Variants in PAIP2B observed in about 807,000 individuals in gnomAD.
The protein encoded by PAIP2B is polyadenylate-binding protein-interacting protein 2B.
PAIP2B carries 13 observed loss-of-function variants against 17.0 expected under a neutral mutation model. The ratio of observed to expected loss-of-function variants is 0.76; its 90% CI spans 0.50 to 1.22. The LOEUF (loss-of-function observed/expected upper bound fraction) is 1.22, where lower values mean the gene tolerates loss of function less well. PAIP2B is among the 50% of genes most tolerant of loss of function. The probability of loss-of-function intolerance (pLI) is 0.00; values close to 1 mark genes in which losing one functional copy is unlikely to be tolerated. For missense variants in PAIP2B, 117 were observed against 144.5 expected, an observed-to-expected ratio of 0.81 and a Z score of 0.98; for synonymous variants, 43 against 48.7, an observed-to-expected ratio of 0.88 and a Z score of 0.48.
chr2:71,210,508 G>A (rs570787250), intron 1 of PAIP2B, among the ~76,000 whole-genome samples: 1 of 152,268 alleles, frequency 6.6e-6, no homozygotes, highest in South Asian at 2.1e-4. Context: ...TTTGATGCAA[G>A]AACAGTGCTT....
intron 3 of PAIP2B, 111 bp downstream of exon 3, chr2:71,189,734 C>T (rs1674634945): frequency 3.8e-6 from 4 of 1,046,720 alleles, no homozygotes; most frequent in South Asian, 1.9e-5. Context: ...GAAACAACAG[C>T]TCACAGGGCT....
At chr2:71,219,917 A>G (rs1572939199) in intron 1 of PAIP2B, among the ~76,000 whole-genome samples, 1 of 152,234 alleles carries the variant, frequency 6.6e-6, no homozygotes, top group Non-Finnish European at 1.5e-5. Flanking sequence ...AGCATACCAT[A>G]TACACTATGC....
At chr2:71,217,874 C>T (rs541261891) in intron 1 of PAIP2B, among the ~76,000 whole-genome samples, 1 of 152,246 alleles carries the variant, frequency 6.6e-6, no homozygotes, top group East Asian at 1.9e-4. Flanking sequence ...CAGGACCAGC[C>T]TGGGCAGCAT....
chr2:71,208,813 T>C (rs1464635692), intron 1 of PAIP2B, among the ~76,000 whole-genome samples: 1 of 151,910 alleles, frequency 6.6e-6, no homozygotes, highest in Admixed American at 6.5e-5. Flanking sequence ...GAGGCAGAGA[T>C]TGGAGTGGTG....
Position 71,188,426 on chromosome 2 carries a change from A to G in PAIP2B, c.*53T>C, listed in dbSNP as rs776813624. 1.0e-5 allele frequency: 15 copies of G among 1,488,098 alleles called. No individual in the cohort carries two copies. Among genetic ancestry groups the G allele is most frequent in the Non-Finnish European group, 1.4e-5 (15 of 1,082,920 alleles). The allele number at this position is 1,488,098 out of a possible 1,614,324, so 92.2% of individuals were successfully genotyped here. On this transcript the variant is annotated 3_prime_UTR_variant, in exon 4 of 4. Transcript: ENST00000244221. ...CCTCTTCAGCTCCACCATTTTGTGC[A>G]TTACTATCCCCAGATGTGGGGACAG...
chr2:71,220,136 C>A (rs910561924), intron 1 of PAIP2B, among the ~76,000 whole-genome samples: 1 of 152,194 alleles, frequency 6.6e-6, no homozygotes, highest in Non-Finnish European at 1.5e-5. Flanking sequence ...CAAGCATAAC[C>A]ACCTACACAC....
At chr2:71,195,260 C>T (rs940384227) in intron 2 of PAIP2B, among the ~76,000 whole-genome samples, 2 of 152,168 alleles carry the variant, frequency 1.3e-5, no homozygotes, top group African/African-American at 2.4e-5. Context: ...AGAAATCCCT[C>T]CTCCTCAATT....
At chr2:71,217,624 T>C (rs1319959684) in intron 1 of PAIP2B, among the ~76,000 whole-genome samples, 1 of 152,242 alleles carries the variant, frequency 6.6e-6, no homozygotes, top group Non-Finnish European at 1.5e-5. Context: ...AGGCACATTG[T>C]GTTACCTGCA....
chr2:71,211,686 G>A (rs1675304316), intron 1 of PAIP2B, among the ~76,000 whole-genome samples: 1 of 149,994 alleles, frequency 6.7e-6, no homozygotes, highest in African/African-American at 2.5e-5. Context: ...CCAAATTTAT[G>A]TATTAATTTG....
At chr2:71,224,181 G>A (rs1054487454) in intron 1 of PAIP2B, among the ~76,000 whole-genome samples, 5 of 152,214 alleles carry the variant, frequency 3.3e-5, no homozygotes, top group Admixed American at 3.3e-4. Context: ...CCATCTGGAC[G>A]AGTCTGAATC....
At chr2:71,196,317 A>G (rs7577222) in intron 2 of PAIP2B, among the ~76,000 whole-genome samples, 9,940 of 152,146 alleles carry the variant, frequency 0.065, 353 homozygotes, top group African/African-American at 0.088. Flanking sequence ...ATGTAATTGT[A>G]TGGTTTTATT....
chr2:71,198,341 A>T (rs1376735261), intron 2 of PAIP2B, among the ~76,000 whole-genome samples: 1 of 142,534 alleles, frequency 7.0e-6, no homozygotes, highest in South Asian at 2.2e-4. Flanking sequence ...GCTGGAGTGC[A>T]GTGGCGCGAT....
At chr2:71,199,408 T>TA (rs61527424) in intron 2 of PAIP2B, among the ~76,000 whole-genome samples, 8,267 of 137,506 alleles carry the variant, frequency 0.06, 923 homozygotes, top group East Asian at 0.56. Context: ...AAGCTTAGAG[T>TA]AAAAAAAAAA....
chr2:71,202,445 T>C lies in PAIP2B; in HGVS notation c.138+7A>G, dbSNP rs1256308123. 2.5e-6 allele frequency: 4 copies of C among 1,611,408 alleles called. No homozygotes were observed. The African/African-American group carries it at 4.0e-5, about 16-fold the overall frequency. ...TCAATCTTCCACTTTTCCAGTTCTT[T>C]CTTTACCTGTCTGTTGAAATCCTCT... On this transcript the variant is annotated splice_region_variant and intron_variant, in intron 2 of 3. Transcript: ENST00000244221.
chr2:71,193,290 G>A (rs1355076195), intron 2 of PAIP2B, among the ~76,000 whole-genome samples: 2 of 151,900 alleles, frequency 1.3e-5, no homozygotes, highest in African/African-American at 4.8e-5. Context: ...TAATGGGGTT[G>A]TTTTTCTCTT....
intron 1 of PAIP2B, among the ~76,000 whole-genome samples, chr2:71,204,421 GT>G (rs1675070488): frequency 6.6e-6 from 1 of 151,554 alleles, no homozygotes; most frequent in Non-Finnish European, 1.5e-5. Flanking sequence ...TTTATTTTTT[GT>G]TTGTTTTGTT....
intron 1 of PAIP2B, among the ~76,000 whole-genome samples, chr2:71,221,289 T>C (rs1335237271): frequency 6.6e-6 from 1 of 152,252 alleles, no homozygotes; most frequent in Non-Finnish European, 1.5e-5. Context: ...AACTTCACCA[T>C]CTCTATATCT....
At position 71,208,423 on chromosome 2, in the gene PAIP2B, A is replaced by ACC. The variant is rs765740494; in HGVS notation, c.-11-5825_-11-5824dup. On this transcript the variant is annotated intron_variant, in intron 1 of 3. Transcript: ENST00000244221. ...GGGTGATGGAGCGAGACTCCATTTC[A>ACC]CCCCCCCAAAAAAAAAAGTCAAGTA... Among the ~76,000 whole-genome samples the ACC allele has an allele frequency of 3.3e-5, 5 of 150,154 alleles. No individual in the cohort carries two copies. In the East Asian group the frequency reaches 8.1e-4, roughly 24 times the overall value.
chr2:71,198,355 G>A (rs1281434470), intron 2 of PAIP2B, among the ~76,000 whole-genome samples: 4 of 148,472 alleles, frequency 2.7e-5, no homozygotes, highest in African/African-American at 5.0e-5. Flanking sequence ...GCGCGATCTC[G>A]GCTCACTGCA....
Sources: allele counts gnomAD v4.1 joint callset (sites outside exome capture counted in the v4.1 genomes callset), GRCh38; gene constraint gnomAD v4.1.1; transcripts MANE v1.5; gene names NCBI Gene and HGNC (gene_info 2026-07-23, HGNC 2026-07-21).